The following TRAK1 variants were observed in gnomAD, a reference collection of about 807,000 sequenced individuals.
TRAK1 encodes the protein trafficking kinesin protein 1.
Under a neutral mutation model 92.1 loss-of-function variants are expected in TRAK1, and 33 were observed. The observed-to-expected ratio is 0.36, with a 90% CI of 0.27 to 0.48. The LOEUF (loss-of-function observed/expected upper bound fraction) is 0.48. TRAK1 is among the 20% of genes least tolerant of loss of function. TRAK1 has a pLI of 0.99. For missense variants in TRAK1, 1,123 were observed against 1,257.9 expected, an observed-to-expected ratio of 0.89 and a Z score of 1.62; for synonymous variants, 521 against 517.3, an observed-to-expected ratio of 1.01 and a Z score of -0.10.
chr3:42,031,031 GA>G (rs200411156), intron 1 of TRAK1, among the ~76,000 whole-genome samples: 4 of 109,054 alleles, frequency 3.7e-5, no homozygotes, highest in Admixed American at 1.4e-4. Flanking sequence ...TCAGCTATTT[GA>G]ATTTTTTTTT....
intron 3 of TRAK1, 122 bp downstream of exon 3, chr3:42,177,012 G>A: frequency 1.1e-6 from 1 of 876,738 alleles, no homozygotes; most frequent in South Asian, 1.6e-5. Context: ...CTCTTTCGAG[G>A]TATAATTTAA....
intron 3 of TRAK1, among the ~76,000 whole-genome samples, chr3:42,179,660 C>T (rs754670095): frequency 6.6e-6 from 1 of 152,118 alleles, no homozygotes; most frequent in Non-Finnish European, 1.5e-5. Context: ...TGCAAGAGTT[C>T]ATTGGTAAAA....
Position 42,200,829 on chromosome 3 carries a change from G to T in TRAK1, c.1202G>T (p.Arg401Leu). The part of the protein sequence containing the change: ...AESPDITHQK[R>L]VFETVRNINQ... ...TGCATTCTCCCTAGTCACCAGAAGC[G>T]TGTCTTTGAGACAGTAAGAAACATC... Residue 401 changes from arginine (R) to leucine (L), a missense_variant, in exon 12 of 16, where the codon CGT becomes CTT. Physicochemically the swap from Arg to Leu is moderately radical, Grantham distance 102. This residue lies in a region of TRAK1 where 686 missense variants were observed against 747.6 expected (regional missense o/e 0.92). Transcript: ENST00000327628. The T allele has an allele frequency of 6.2e-7, 1 of 1,614,144 alleles. No individual in the cohort carries two copies. Among genetic ancestry groups the T allele is most frequent in the Non-Finnish European group, 8.5e-7 (1 of 1,180,032 alleles).
chr3:42,198,910 G>T (rs1255818531), intron 10 of TRAK1, among the ~76,000 whole-genome samples: 1 of 152,046 alleles, frequency 6.6e-6, no homozygotes, highest in Non-Finnish European at 1.5e-5. Context: ...CGGAGCATAG[G>T]GTTTGCTTTT....
chr3:42,196,422 T>C (rs1226361404), intron 10 of TRAK1, among the ~76,000 whole-genome samples: 1 of 152,222 alleles, frequency 6.6e-6, no homozygotes, highest in Non-Finnish European at 1.5e-5. Context: ...CTAATTGTAC[T>C]CAATATTTCC....
intron 2 of TRAK1, among the ~76,000 whole-genome samples, chr3:42,137,718 G>T (rs1346125346): frequency 6.6e-6 from 1 of 152,144 alleles, no homozygotes; most frequent in Non-Finnish European, 1.5e-5. Flanking sequence ...CTCTGTGTGG[G>T]TTGGGTAACG....
Position 42,191,720 on chromosome 3 carries a change from A to G in TRAK1, c.769+84A>G. The G allele has an allele frequency of 2.8e-6, 4 of 1,443,790 alleles. No homozygotes were observed. In the South Asian group the frequency reaches 5.1e-5, roughly 18 times the overall value. The allele number at this position is 1,443,790 out of a possible 1,614,324, so 89.4% of individuals were successfully genotyped here. ...ATTTGCGTCAGCCTTGCTAAAGTGC[A>G]GTCTCCTGCCAGCCTACGGCTCAGC... On this transcript the variant is annotated intron_variant, in intron 7 of 15. Coordinates refer to ENST00000327628, the MANE Select transcript of TRAK1 (RefSeq NM_001042646.3).
chr3:42,216,265 C>G (rs558751166), intron 14 of TRAK1, among the ~76,000 whole-genome samples: 1 of 152,252 alleles, frequency 6.6e-6, no homozygotes, highest in African/African-American at 2.4e-5. Context: ...CTATATAGTG[C>G]AGTCTGAGGG....
At chr3:42,160,564 T>A (rs1479324094) in intron 2 of TRAK1, 1 of 1,149,808 alleles carries the variant, frequency 8.7e-7, no homozygotes, top group African/African-American at 1.6e-5. Context: ...CACTGTTTTG[T>A]TTTTGTTTTT....
chr3:42,110,076 T>C (rs1391423751), intron 1 of TRAK1, among the ~76,000 whole-genome samples: 6 of 120,844 alleles, frequency 5.0e-5, no homozygotes, highest in Non-Finnish European at 1.0e-4. Context: ...GTTGTGCACA[T>C]GTACCCTAGA....
chr3:42,158,168 TAGC>T (rs1468147180), intron 2 of TRAK1, among the ~76,000 whole-genome samples: 1 of 152,244 alleles, frequency 6.6e-6, no homozygotes, highest in Non-Finnish European at 1.5e-5. Context: ...TGTTTCATAA[TAGC>T]GATACTCTAG....
chr3:42,205,114 G>A (rs1339484299), intron 13 of TRAK1, among the ~76,000 whole-genome samples: 3 of 152,174 alleles, frequency 2.0e-5, no homozygotes, highest in Non-Finnish European at 2.9e-5. Context: ...CCAGACTGTG[G>A]TGAGGAGTAA....
At chr3:42,086,382 T>A (rs1036821916), upstream of TRAK1, among the ~76,000 whole-genome samples, 2 of 150,620 alleles carry the variant, frequency 1.3e-5, no homozygotes, top group East Asian at 3.9e-4. Flanking sequence ...CTCAGCTCAC[T>A]GCAACCTCTG....
intron 1 of TRAK1, among the ~76,000 whole-genome samples, chr3:42,121,041 G>T (rs1470948703): frequency 1.3e-5 from 2 of 152,164 alleles, no homozygotes; most frequent in African/African-American, 4.8e-5. Flanking sequence ...GTGTTGGAGG[G>T]GAGATCACAG....
intron 1 of TRAK1, among the ~76,000 whole-genome samples, chr3:42,016,135 C>G (rs1027254799): frequency 1.3e-5 from 2 of 152,028 alleles, no homozygotes; most frequent in Non-Finnish European, 2.9e-5. Flanking sequence ...TTTCACTTTC[C>G]AAACTAACAA....
rs868121835 is a variant in TRAK1, at chr3:42,218,520, A to T, written c.1964-974A>T. The T allele has an allele frequency of 2.5e-4, 246 of 981,440 alleles. No homozygotes were observed. The African/African-American group carries it at 4.0e-3, about 16-fold the overall frequency. 60.8% of individuals were successfully genotyped at this position (981,440 alleles called of 1,614,324 possible). A position where few individuals can be genotyped will look rare whatever the true frequency, so the allele number is the denominator to read the frequency against. On this transcript the variant is annotated intron_variant, in intron 14 of 15. Coordinates refer to ENST00000327628, the MANE Select transcript of TRAK1 (RefSeq NM_001042646.3). ...ATTTCGGGCAGCATCTTTTTTTTTT[A>T]TTTTATTATTATTTTTTTTCCTGAT...
chr3:42,131,298 G>A (rs944014168), intron 2 of TRAK1, among the ~76,000 whole-genome samples: 1 of 152,138 alleles, frequency 6.6e-6, no homozygotes, highest in Non-Finnish European at 1.5e-5. Context: ...TGCCTCACTT[G>A]CCCCCAGAGT....
At chr3:42,025,141 G>C (rs111843636) in intron 1 of TRAK1, among the ~76,000 whole-genome samples, 11,155 of 152,178 alleles carry the variant, frequency 0.073, 481 homozygotes, top group Middle Eastern at 0.21. Flanking sequence ...CTTTGTTTAC[G>C]TCCTCCCTGC....
At chr3:42,149,904 G>A (rs142619199) in intron 2 of TRAK1, among the ~76,000 whole-genome samples, 55 of 152,302 alleles carry the variant, frequency 3.6e-4, no homozygotes, top group Non-Finnish European at 5.6e-4. Context: ...GGTGTGAGAC[G>A]TGAGTGTGTT....
Sources: gnomAD v4.1 joint callset for allele counts (sites outside exome capture counted in the v4.1 genomes callset) on GRCh38, gnomAD v4.1.1 for gene constraint, gnomAD v4.1.1 regional missense constraint, MANE v1.5 for transcripts, NCBI Gene and HGNC (gene_info 2026-07-23, HGNC 2026-07-21) for gene names.